SHROOM3: variants seen among roughly 807,000 people sequenced by gnomAD.
SHROOM3 encodes the protein protein Shroom3.
SHROOM3 carries 47 observed loss-of-function variants against 138.6 expected under a neutral mutation model. The ratio of observed to expected loss-of-function variants is 0.34; its 90% CI spans 0.27 to 0.43. The LOEUF (loss-of-function observed/expected upper bound fraction) is 0.43. Among genes scored for constraint, SHROOM3 ranks in the 20% least tolerant of loss-of-function variants. The pLI is 1.00. For missense variants in SHROOM3, 2,491 were observed against 2,596.5 expected (o/e 0.96, Z 0.88); for synonymous variants, 1,062 against 1,063.3 (o/e 1.00, Z 0.02).
At chr4:76,614,609 T>C (rs1734834305) in intron 2 of SHROOM3, among the ~76,000 whole-genome samples, 1 of 152,134 alleles carries the variant, frequency 6.6e-6, no homozygotes, top group African/African-American at 2.4e-5. Flanking sequence ...CTGCATGCAT[T>C]AGGTATTTGT....
chr4:76,490,627 G>C (rs567227383), intron 1 of SHROOM3, among the ~76,000 whole-genome samples: 1 of 152,282 alleles, frequency 6.6e-6, no homozygotes, highest in Middle Eastern at 3.4e-3. Context: ...GGAAGTTGGC[G>C]TGAAACAGCC....
intron 2 of SHROOM3, among the ~76,000 whole-genome samples, chr4:76,619,408 G>A (rs910233659): frequency 6.6e-6 from 1 of 151,972 alleles, no homozygotes; most frequent in African/African-American, 2.4e-5. Flanking sequence ...TCCAGTCTTG[G>A]GAGAGCAGCC....
In SHROOM3 at chr4:76,471,007, A is replaced by T. The variant is rs996470891; in HGVS notation, c.168+34787A>T. 2.8e-4 allele frequency among the ~76,000 whole-genome samples: 42 copies of T among 151,838 alleles called. 1 individual carries two copies. The highest frequency in any genetic ancestry group is 8.8e-5 in the Non-Finnish European group (6 of 67,938). On this transcript the variant is annotated intron_variant, in intron 1 of 10. Transcript: ENST00000296043. The stretch of plus-strand genomic sequence containing the variant: ...AAAAATTAGGGGGTGTGTGTGTGTG[A>T]GAGAGAGAGATTGTGAGGAAAGGCA...
At position 76,674,554 on chromosome 4, in the gene SHROOM3, C is replaced by CTTTTTTTTTTTTT. The variant is rs11312421; in HGVS notation, c.324-35592_324-35580dup. 1.1e-3 allele frequency among the ~76,000 whole-genome samples: 109 copies of CTTTTTTTTTTTTT among 103,302 alleles called. 1 individual carries two copies. Among genetic ancestry groups the CTTTTTTTTTTTTT allele is most frequent in the East Asian group, 1.6e-3 (5 of 3,112 alleles). The allele number at this position is 103,302 out of a possible 152,430, so 67.8% of individuals were successfully genotyped here. A position where few individuals can be genotyped will look rare whatever the true frequency, so the allele number is the denominator to read the frequency against. ...CTTTCTTTCTTTCCTTCCTTCCTTC[C>CTTTTTTTTTTTTT]TTTTTTTTTTTTTTTTTTTTTTGTT... is the stretch of plus-strand genomic sequence containing the variant. On this transcript the variant is annotated intron_variant, in intron 2 of 10. Coordinates refer to ENST00000296043, the MANE Select transcript of SHROOM3 (RefSeq NM_020859.4).
intron 1 of SHROOM3, among the ~76,000 whole-genome samples, chr4:76,482,763 C>A (rs1448962457): frequency 6.6e-6 from 1 of 152,294 alleles, no homozygotes; most frequent in Non-Finnish European, 1.5e-5. Context: ...TATAAGGCTA[C>A]AGTAACCAAA....
rs371944513 is a variant in SHROOM3, at chr4:76,646,225, A to AATAT, written c.324-63911_324-63908dup. On this transcript the variant is annotated intron_variant, in intron 2 of 10. Coordinates refer to ENST00000296043, the MANE Select transcript of SHROOM3 (RefSeq NM_020859.4). ...CCTAGAACTTAAAGTATAATAAATAAATATATATATATATATATATATAAA... is the reference window on the plus strand; with the variant it reads ...CCTAGAACTTAAAGTATAATAAATAAATATATATATATATATATATATATATAAA... Among the ~76,000 whole-genome samples, 54 of 96,236 alleles carry AATAT rather than the reference A, an allele frequency of 5.6e-4. 1 individual carries two copies. Among genetic ancestry groups the AATAT allele is most frequent in the Middle Eastern group, 4.4e-3 (1 of 228 alleles). 63.1% of individuals were successfully genotyped at this position (96,236 alleles called of 152,430 possible). A position where few individuals can be genotyped will look rare whatever the true frequency, so the allele number is the denominator to read the frequency against.
chr4:76,654,978 C>T (rs1214882943), intron 2 of SHROOM3, among the ~76,000 whole-genome samples: 3 of 152,156 alleles, frequency 2.0e-5, no homozygotes, highest in Non-Finnish European at 4.4e-5. Flanking sequence ...CTATGTGGCT[C>T]TGGCTAAGTA....
chr4:76,612,064 G>A (rs2110061749), intron 2 of SHROOM3, among the ~76,000 whole-genome samples: 1 of 152,256 alleles, frequency 6.6e-6, no homozygotes. Context: ...TCCTCTCATT[G>A]TTGTAAAACC....
chr4:76,474,784 A>C (rs1731449103), intron 1 of SHROOM3, among the ~76,000 whole-genome samples: 5 of 152,048 alleles, frequency 3.3e-5, no homozygotes, highest in Admixed American at 2.0e-4. Flanking sequence ...ACAAAAAGCC[A>C]GACGTGGTGA....
chr4:76,491,848 T>C (rs947387098), intron 1 of SHROOM3, among the ~76,000 whole-genome samples: 7 of 152,216 alleles, frequency 4.6e-5, no homozygotes, highest in Admixed American at 1.3e-4. Context: ...TGATCTGAGC[T>C]TTGCTGTGTT....
chr4:76,685,542 G>T (rs971198542), intron 2 of SHROOM3, among the ~76,000 whole-genome samples: 2 of 152,180 alleles, frequency 1.3e-5, no homozygotes, highest in African/African-American at 2.4e-5. Flanking sequence ...TGACAAGAAA[G>T]AGTTAATAAT....
chr4:76,598,477 G>A (rs1734436837), intron 2 of SHROOM3, among the ~76,000 whole-genome samples: 1 of 152,216 alleles, frequency 6.6e-6, no homozygotes, highest in Non-Finnish European at 1.5e-5. Flanking sequence ...AGACATTCTA[G>A]CTAGACAAAG....
At chr4:76,620,356 C>T (rs4859454) in intron 2 of SHROOM3, among the ~76,000 whole-genome samples, 30,509 of 151,734 alleles carry the variant, frequency 0.2, 3,868 homozygotes, top group African/African-American at 0.35. Flanking sequence ...ATTAGAGATA[C>T]GGGAATTATC....
chr4:76,685,838 C>T (rs1024055168), intron 2 of SHROOM3, among the ~76,000 whole-genome samples: 1 of 152,070 alleles, frequency 6.6e-6, no homozygotes, highest in Non-Finnish European at 1.5e-5. Flanking sequence ...ATTAGCCAGG[C>T]ATTGTGGTAT....
intron 2 of SHROOM3, among the ~76,000 whole-genome samples, chr4:76,570,506 A>T (rs569145112): frequency 6.6e-6 from 1 of 152,226 alleles, no homozygotes; most frequent in East Asian, 1.9e-4. Flanking sequence ...TCACCTTTCC[A>T]TCACTGTCTC....
intron 2 of SHROOM3, among the ~76,000 whole-genome samples, chr4:76,662,463 A>C (rs535235897): frequency 6.6e-6 from 1 of 152,252 alleles, no homozygotes; most frequent in South Asian, 2.1e-4. Context: ...CAGAGAATAA[A>C]AACTCTGCTT....
At chr4:76,520,904 A>G (rs12710875) in intron 1 of SHROOM3, among the ~76,000 whole-genome samples, 37,374 of 151,908 alleles carry the variant, frequency 0.25, 4,781 homozygotes, top group East Asian at 0.51. Flanking sequence ...TTTTTCCCCA[A>G]TATTTGGGCA....
intron 9 of SHROOM3, among the ~76,000 whole-genome samples, chr4:76,761,381 T>C (rs1051321019): frequency 2.0e-5 from 3 of 152,366 alleles, no homozygotes; most frequent in East Asian, 3.9e-4. Flanking sequence ...TTAGGTAGTA[T>C]GTATTTCATT....
intron 3 of SHROOM3, among the ~76,000 whole-genome samples, chr4:76,714,831 C>A (rs1302523477): frequency 6.6e-6 from 1 of 152,102 alleles, no homozygotes; most frequent in Non-Finnish European, 1.5e-5. Flanking sequence ...AGTAAGGACT[C>A]TTCCATATTT....
Sources: gnomAD v4.1 joint callset for allele counts (sites outside exome capture counted in the v4.1 genomes callset) on GRCh38, gnomAD v4.1.1 for gene constraint, MANE v1.5 for transcripts, NCBI Gene and HGNC (gene_info 2026-07-23, HGNC 2026-07-21) for gene names.